CCT3: variants seen among roughly 807,000 people sequenced by gnomAD.
The protein encoded by CCT3 is chaperonin containing TCP1 subunit 3.
A neutral mutation model predicts 65.3 loss-of-function variants in CCT3; 10 were observed. The ratio of observed to expected loss-of-function variants is 0.15; its 90% CI spans 0.09 to 0.26. The LOEUF (loss-of-function observed/expected upper bound fraction) is 0.26, where lower values mean the gene tolerates loss of function less well. CCT3 is among the 10% of genes least tolerant of loss of function. CCT3 has a pLI of 1.00. For missense variants in CCT3, 626 were observed against 708.7 expected (o/e 0.88, Z 1.33); for synonymous variants, 225 against 242.3 (o/e 0.93, Z 0.66).
rs995070340 is a variant in CCT3, at chr1:156,329,277, G to C, written c.305-4188C>G. ...CATAGTAATGAGACTGCCTAATAAC[G>C]CATTTGTCTCAGAACGTATCCCCAT... On this transcript the variant is annotated intron_variant, in intron 5 of 13. Transcript: ENST00000295688. Among the ~76,000 whole-genome samples, 10 of 149,700 alleles carry C rather than the reference G, an allele frequency of 6.7e-5. 1 individual carries two copies. The highest frequency in any genetic ancestry group is 3.5e-3 in the Middle Eastern group (1 of 284).
At chr1:156,328,382 C>G (rs1254461096) in intron 5 of CCT3, among the ~76,000 whole-genome samples, 1 of 152,108 alleles carries the variant, frequency 6.6e-6, no homozygotes, top group Admixed American at 6.6e-5. Context: ...GAGAACGGGC[C>G]ATGATGACAA....
chr1:156,319,255 G>A (rs1039872530), intron 7 of CCT3, among the ~76,000 whole-genome samples: 2 of 151,134 alleles, frequency 1.3e-5, no homozygotes, highest in Non-Finnish European at 3.0e-5. Context: ...TGGGACTACA[G>A]GCGCCCGCCA....
intron 10 of CCT3, among the ~76,000 whole-genome samples, chr1:156,314,783 A>C (rs903825781): frequency 6.6e-6 from 1 of 152,194 alleles, no homozygotes; most frequent in African/African-American, 2.4e-5. Flanking sequence ...CTGCTTCCAA[A>C]GCAGTGCCAG....
chr1:156,333,621 G>A lies in CCT3; in HGVS notation c.230C>T (p.Ala77Val). The A allele has an allele frequency of 6.2e-7, 1 of 1,613,990 alleles. No homozygotes were observed. Among genetic ancestry groups the A allele is most frequent in the Non-Finnish European group, 8.5e-7 (1 of 1,179,908 alleles). Residue 77 changes from alanine (A) to valine (V), a missense_variant, in exon 5 of 14, where the codon GCC (alanine) becomes GTC (valine). Transcript: ENST00000295688. ...LREIQVQHPA[A>V]KSMIEISRTQ... The stretch of plus-strand genomic sequence containing the variant: ...CCGGCTAATTTCGATCATGGACTTG[G>A]CCGCTGGATGCTGGACTTGAATCTA...
intron 1 of CCT3, among the ~76,000 whole-genome samples, chr1:156,336,311 A>G (rs112995782): frequency 0.016 from 1,474 of 91,644 alleles, 32 homozygotes; most frequent in African/African-American, 0.039. Context: ...AGGATCCACA[A>G]CTATTATCAG....
intron 1 of CCT3, among the ~76,000 whole-genome samples, chr1:156,336,717 C>T (rs1665388847): frequency 6.6e-6 from 1 of 152,150 alleles, no homozygotes. Context: ...ATAACCAAAC[C>T]AACATAATGT....
chr1:156,326,376 G>A (rs1322483427), intron 5 of CCT3, among the ~76,000 whole-genome samples: 1 of 151,858 alleles, frequency 6.6e-6, no homozygotes, highest in African/African-American at 2.4e-5. Flanking sequence ...TTAAGGCTGG[G>A]TGTGGTGGCT....
intron 2 of CCT3, chr1:156,335,172 G>T: frequency 2.3e-6 from 1 of 438,612 alleles, no homozygotes; most frequent in Non-Finnish European, 4.0e-6. Flanking sequence ...CGCCCAGCCA[G>T]AGTCAGTGTT....
At chr1:156,322,976 G>C (rs1170603995) in intron 6 of CCT3, among the ~76,000 whole-genome samples, 1 of 151,874 alleles carries the variant, frequency 6.6e-6, no homozygotes, top group Non-Finnish European at 1.5e-5. Context: ...TCTTAAGTGT[G>C]CCAGACAAAG....
At chr1:156,316,242 A>G (rs1331139162) in intron 10 of CCT3, among the ~76,000 whole-genome samples, 1 of 152,216 alleles carries the variant, frequency 6.6e-6, no homozygotes, top group Non-Finnish European at 1.5e-5. Context: ...AAGGTGATTT[A>G]AAGTGTATAG....
At position 156,333,599 on chromosome 1, in the gene CCT3, G is replaced by A; in HGVS notation, c.252C>T (p.Ser84=). 6.2e-7 allele frequency: 1 copy of A among 1,613,916 alleles called. No individual in the cohort carries two copies. The highest frequency in any genetic ancestry group is 8.5e-7 in the Non-Finnish European group (1 of 1,179,900). Residue 84 remains serine, a synonymous_variant, in exon 5 of 14, where the codon AGC becomes AGT. Transcript: ENST00000295688. ...HPAAKSMIEI[S]RTQDEEVGDG... Reference sequence around the variant, plus strand: ...CTCCAACCTCTTCATCCTGGGTCCGGCTAATTTCGATCATGGACTTGGCCG... The same window carrying A: ...CTCCAACCTCTTCATCCTGGGTCCGACTAATTTCGATCATGGACTTGGCCG...
chr1:156,312,917 G>C (rs535143215), intron 10 of CCT3, among the ~76,000 whole-genome samples: 1 of 152,302 alleles, frequency 6.6e-6, no homozygotes, highest in Admixed American at 6.5e-5. Context: ...TCTAAAGCTG[G>C]AGAATTTAAT....
At chr1:156,317,569 C>G (rs2249790) in intron 8 of CCT3, 22 bp from the exon 9 acceptor site, 1 of 1,600,024 alleles carries the variant, frequency 6.2e-7, no homozygotes, top group Non-Finnish European at 8.5e-7. Context: ...AGAAAAGACA[C>G]TGATTTTAAA....
Position 156,334,710 on chromosome 1 carries a change from C to G in CCT3, c.207+3G>C. ...AAAAAACAAAACCAAAAACAAAACA[C>G]ACCTCTCGAAGAATGGCATTGCCAT... On this transcript the variant is annotated splice_donor_region_variant and intron_variant, in intron 4 of 13. Coordinates refer to ENST00000295688, the MANE Select transcript of CCT3 (RefSeq NM_005998.5). 1 of 1,613,626 alleles carries G rather than the reference C, an allele frequency of 6.2e-7. No homozygotes were observed. Among genetic ancestry groups the G allele is most frequent in the Non-Finnish European group, 8.5e-7 (1 of 1,179,732 alleles).
intron 1 of CCT3, among the ~76,000 whole-genome samples, chr1:156,336,526 T>C (rs765619127): frequency 2.0e-5 from 3 of 152,170 alleles, no homozygotes; most frequent in African/African-American, 7.2e-5. Context: ...CACCTCATAA[T>C]TGGATGTAAT....
At chr1:156,329,737 G>C (rs776156699) in intron 5 of CCT3, among the ~76,000 whole-genome samples, 1 of 150,518 alleles carries the variant, frequency 6.6e-6, no homozygotes, top group Non-Finnish European at 1.5e-5. Flanking sequence ...TCAGGAGTTT[G>C]AGACCAGCCT....
At chr1:156,314,086 CA>C (rs139747435) in intron 10 of CCT3, among the ~76,000 whole-genome samples, 60,993 of 96,346 alleles carry the variant, frequency 0.63, 15,904 homozygotes, top group Middle Eastern at 0.72. Context: ...ACTCTGTCTC[CA>C]AAAAAAAAAA....
chr1:156,328,119 G>C (rs1664927524), intron 5 of CCT3, among the ~76,000 whole-genome samples: 1 of 142,940 alleles, frequency 7.0e-6, no homozygotes, highest in Non-Finnish European at 1.5e-5. Context: ...CGGGAGGTGA[G>C]GGGCGCCTCT....
intron 2 of CCT3, 74 bp from the exon 3 acceptor site, chr1:156,334,992 A>T: frequency 1.6e-6 from 2 of 1,238,628 alleles, no homozygotes; most frequent in Non-Finnish European, 2.4e-6. Flanking sequence ...GTAATAGGGA[A>T]AAGGGGCATG....
Sources: allele counts gnomAD v4.1 joint callset (sites outside exome capture counted in the v4.1 genomes callset), GRCh38; gene constraint gnomAD v4.1.1; transcripts MANE v1.5; gene names NCBI Gene and HGNC (gene_info 2026-07-23, HGNC 2026-07-21).